SPTBN1: variants seen among roughly 807,000 people sequenced by gnomAD.
SPTBN1 encodes the protein spectrin beta chain, non-erythrocytic 1.
A neutral mutation model predicts 266.4 loss-of-function variants in SPTBN1; 32 were observed. The observed-to-expected ratio is 0.12, with a 90% CI of 0.09 to 0.16. SPTBN1 has a LOEUF of 0.16. SPTBN1 is among the 10% of genes least tolerant of loss of function. The pLI is 1.00. For missense variants in SPTBN1, 2,296 were observed against 3,067.1 expected (o/e 0.75, Z 5.94); for synonymous variants, 1,336 against 1,162.2 (o/e 1.15, Z -3.04).
chr2:54,620,925 TGGAG>T (rs1677952024), intron 7 of SPTBN1, among the ~76,000 whole-genome samples: 1 of 152,026 alleles, frequency 6.6e-6, no homozygotes, highest in Non-Finnish European at 1.5e-5. Context: ...GGAAAGCTGG[TGGAG>T]GGAGCCATTG....
At chr2:54,465,674 CACAT>C (rs1693601178) in intron 1 of SPTBN1, among the ~76,000 whole-genome samples, 2 of 96,920 alleles carry the variant, frequency 2.1e-5, no homozygotes, top group Admixed American at 1.3e-4. Flanking sequence ...ATATATCTCA[CACAT>C]GGGAGAGAGA....
chr2:54,534,189 CTCT>C (rs1235316329), intron 2 of SPTBN1, among the ~76,000 whole-genome samples: 3 of 152,214 alleles, frequency 2.0e-5, no homozygotes, highest in African/African-American at 7.2e-5. Context: ...CATGTTAGGG[CTCT>C]TCTTGTTCGC....
intron 1 of SPTBN1, among the ~76,000 whole-genome samples, chr2:54,522,701 A>AAGAG (rs1196501016): frequency 1.3e-4 from 9 of 70,184 alleles, no homozygotes; most frequent in Non-Finnish European, 1.9e-4. Flanking sequence ...GAGAGAGAGA[A>AAGAG]AGAAAGAAAG....
At chr2:54,569,749 T>G (rs955916993) in intron 2 of SPTBN1, among the ~76,000 whole-genome samples, 1 of 152,198 alleles carries the variant, frequency 6.6e-6, no homozygotes, top group African/African-American at 2.4e-5. Flanking sequence ...GGTGAGATTC[T>G]GTGTGGAAAC....
chr2:54,605,870 G>A (rs956825055), intron 3 of SPTBN1, among the ~76,000 whole-genome samples: 1 of 152,136 alleles, frequency 6.6e-6, no homozygotes, highest in African/African-American at 2.4e-5. Context: ...TCCAGGTCTG[G>A]AATGAACCAT....
chr2:54,484,968 A>T (rs984401518), intron 1 of SPTBN1, among the ~76,000 whole-genome samples: 1 of 152,166 alleles, frequency 6.6e-6, no homozygotes, highest in Non-Finnish European at 1.5e-5. Context: ...AATACAAACC[A>T]TTATCAAACC....
At chr2:54,542,373 T>C (rs1381127703) in intron 2 of SPTBN1, among the ~76,000 whole-genome samples, 1 of 152,080 alleles carries the variant, frequency 6.6e-6, no homozygotes, top group East Asian at 1.9e-4. Context: ...GAACGAGGAG[T>C]GCCGTGGTGC....
chr2:54,612,684 G>T (rs1236806803), intron 4 of SPTBN1, among the ~76,000 whole-genome samples: 3 of 152,156 alleles, frequency 2.0e-5, no homozygotes, highest in African/African-American at 7.2e-5. Flanking sequence ...AAGGTATAAG[G>T]ACGTGGCCAA....
chr2:54,624,300 G>A (rs1678184804), intron 10 of SPTBN1, among the ~76,000 whole-genome samples: 1 of 152,026 alleles, frequency 6.6e-6, no homozygotes, highest in African/African-American at 2.4e-5. Flanking sequence ...CGAGTGGAAG[G>A]TTTGATTTTT....
At chr2:54,485,706 G>A (rs1455496030) in intron 1 of SPTBN1, among the ~76,000 whole-genome samples, 3 of 151,578 alleles carry the variant, frequency 2.0e-5, no homozygotes. Context: ...GGAAAGTGAG[G>A]AGCGTCTCTG....
At chr2:54,482,370 A>AG (rs1668143659) in intron 1 of SPTBN1, among the ~76,000 whole-genome samples, 2 of 150,120 alleles carry the variant, frequency 1.3e-5, no homozygotes, top group African/African-American at 2.5e-5. Context: ...AAAAAAAAAA[A>AG]GAAAAAATTA....
At chr2:54,595,680 A>C (rs1676030701) in intron 2 of SPTBN1, among the ~76,000 whole-genome samples, 1 of 152,108 alleles carries the variant, frequency 6.6e-6, no homozygotes, top group African/African-American at 2.4e-5. Flanking sequence ...CATCAAAGAG[A>C]ATGATGAAAG....
intron 18 of SPTBN1, among the ~76,000 whole-genome samples, chr2:54,641,942 G>A (rs1558460107): frequency 6.6e-6 from 1 of 152,154 alleles, no homozygotes; most frequent in African/African-American, 2.4e-5. Flanking sequence ...AGGATTTAAG[G>A]TGCCAATTTG....
Position 54,629,623 on chromosome 2 carries a change from G to A in SPTBN1, c.2489G>A (p.Arg830Gln), listed in dbSNP as rs745404781. 3.1e-6 allele frequency: 5 copies of A among 1,613,926 alleles called. No homozygotes were observed. Among genetic ancestry groups the A allele is most frequent in the Admixed American group, 1.7e-5 (1 of 60,036 alleles). The change falls in exon 14 of 36, where the codon CGG (arginine) becomes CAG (glutamine). Residue 830 changes from arginine to glutamine, a missense_variant. Arg to Gln is a conservative substitution (Grantham distance 43). Transcript: ENST00000356805. ...GGCAGGCTGTCGGGCATCGAGGAGC[G>A]GTATAAGGAGGTGGCAGAGCTGACG... ...VRGRLSGIEE[R>Q]YKEVAELTRL...
In SPTBN1 at chr2:54,628,133, C is replaced by G; in HGVS notation, c.1681C>G (p.Leu561Val). Residue 561 changes from leucine to valine, a missense_variant, in exon 13 of 36, where the codon CTT (leucine) becomes GTT (valine). This residue lies in a region of SPTBN1 where 434 missense variants were observed against 573.9 expected (regional missense o/e 0.76). Transcript: ENST00000356805. The surrounding 1 kb of genome is among the most constrained non-coding windows in gnomAD (Gnocchi z 4.3). Reference sequence around the variant, plus strand: ...GTCTCAAGACTATGGCAAACACTTACTTGGTGTGGAAGACCTGTTACAGAA... The same window carrying G: ...GTCTCAAGACTATGGCAAACACTTAGTTGGTGTGGAAGACCTGTTACAGAA... ...VLSQDYGKHL[L>V]GVEDLLQKHT... The G allele has an allele frequency of 6.2e-7, 1 of 1,613,870 alleles. No individual in the cohort carries two copies. Among genetic ancestry groups the G allele is most frequent in the Non-Finnish European group, 8.5e-7 (1 of 1,179,842 alleles).
chr2:54,662,009 A>G (rs931107527), intron 32 of SPTBN1: 172 of 985,340 alleles, frequency 1.7e-4, no homozygotes, highest in Non-Finnish European at 2.0e-4. Context: ...GTGAACTTGA[A>G]AATAGCATTG....
intron 32 of SPTBN1, chr2:54,662,391 T>A: frequency 1.0e-6 from 1 of 956,402 alleles, no homozygotes; most frequent in Non-Finnish European, 1.2e-6. Flanking sequence ...TCTCTTTCCT[T>A]CTAACTCTAA....
At chr2:54,625,852 A>C (rs1678286299) in intron 11 of SPTBN1, 80 bp from the exon 12 acceptor site, 1 of 1,483,388 alleles carries the variant, frequency 6.7e-7, no homozygotes, top group African/African-American at 1.4e-5. Flanking sequence ...CGGCCTCCCA[A>C]AGTGCTGGGA....
intron 1 of SPTBN1, among the ~76,000 whole-genome samples, chr2:54,494,513 G>C (rs1307693041): frequency 6.6e-6 from 1 of 152,158 alleles, no homozygotes; most frequent in Non-Finnish European, 1.5e-5. Context: ...TGGGTGAATG[G>C]ATAAACAAAC....
Sources: gnomAD v4.1 joint callset for allele counts (sites outside exome capture counted in the v4.1 genomes callset) on GRCh38, gnomAD v4.1.1 for gene constraint, gnomAD v4.1.1 regional missense constraint, Gnocchi (gnomAD v3.1) non-coding constraint, MANE v1.5 for transcripts, NCBI Gene and HGNC (gene_info 2026-07-23, HGNC 2026-07-21) for gene names.